The following TTLL8 variants were observed in gnomAD, a reference collection of about 807,000 sequenced individuals.
TTLL8 encodes the protein tubulin tyrosine ligase like 8, also known as protein monoglycylase TTLL8.
Under a neutral mutation model 77.8 loss-of-function variants are expected in TTLL8, and 65 were observed. The ratio of observed to expected loss-of-function variants is 0.84; its 90% CI spans 0.68 to 1.03. The LOEUF (loss-of-function observed/expected upper bound fraction) is 1.03. Among genes scored for constraint, TTLL8 ranks in the 50% least tolerant of loss-of-function variants. The pLI is 0.00. For synonymous variants in TTLL8, 402 were observed against 422.8 expected, an observed-to-expected ratio of 0.95 and a Z score of 0.60; for missense variants, 910 against 1,004.5, an observed-to-expected ratio of 0.91 and a Z score of 1.27.
At chr22:50,037,054 A>G (rs2061341887) in intron 8 of TTLL8, among the ~76,000 whole-genome samples, 1 of 152,176 alleles carries the variant, frequency 6.6e-6, no homozygotes, top group African/African-American at 2.4e-5. Context: ...ATACCTTGGA[A>G]TGGATTATCT....
chr22:50,033,016 G>A (rs958154015), intron 10 of TTLL8, 186 bp downstream of exon 11: 2 of 479,252 alleles, frequency 4.2e-6, no homozygotes, highest in African/African-American at 2.1e-5. Flanking sequence ...AGGCCGGTGG[G>A]CCTGGGCCTG....
upstream of TTLL8, among the ~76,000 whole-genome samples, chr22:50,057,406 TGGGCGGGAG>T (rs2061480292): frequency 2.4e-5 from 1 of 41,172 alleles, no homozygotes; most frequent in Non-Finnish European, 4.4e-5. Context: ...AGGTCTGGGT[TGGGCGGGAG>T]GTCTGGGTTG....
intron 2 of TTLL8, among the ~76,000 whole-genome samples, chr22:50,049,650 G>A (rs564949288): frequency 7.9e-5 from 12 of 152,180 alleles, no homozygotes; most frequent in Non-Finnish European, 1.3e-4. Context: ...GGGAGTGATA[G>A]AGGCTGAGGG....
intron 8 of TTLL8, among the ~76,000 whole-genome samples, chr22:50,036,298 G>T (rs1388394054): frequency 6.6e-6 from 1 of 152,248 alleles, no homozygotes; most frequent in African/African-American, 2.4e-5. Flanking sequence ...ACAGGGACTT[G>T]CGGGGATCCG....
chr22:50,041,813 A>G lies in TTLL8; in HGVS notation c.644-6T>C, dbSNP rs1319612071. The G allele has an allele frequency of 2.2e-6, 3 of 1,358,086 alleles. No homozygotes were observed. Among genetic ancestry groups the G allele is most frequent in the Non-Finnish European group, 2.9e-6 (3 of 1,018,660 alleles). 84.1% of individuals were successfully genotyped at this position (1,358,086 alleles called of 1,614,324 possible). On this transcript the variant is annotated splice_region_variant and splice_polypyrimidine_tract_variant and intron_variant, in intron 6 of 13. Transcript: ENST00000266182. The surrounding 1 kb of genome is among the most constrained non-coding windows in gnomAD (Gnocchi z 4.3). The stretch of plus-strand genomic sequence containing the variant: ...TGCCTCAGCATTTTCAGCATCTGAA[A>G]CCCAGACACAGGCACATGCAGTGGG...
upstream of TTLL8, among the ~76,000 whole-genome samples, chr22:50,054,840 C>T (rs756544723): frequency 9.1e-4 from 138 of 152,176 alleles, 2 homozygotes; most frequent in Non-Finnish European, 2.8e-4. Context: ...GGCAGATCAC[C>T]TGAGGTCAGG....
At position 50,022,974 on chromosome 22, in the gene TTLL8, ACAGAG is replaced by A. The variant is rs1450659186; in HGVS notation, c.2204-6417_2204-6413del. ...GAGGTGAATTTACCAACACGTCAGGACAGAGTGTCCATGTACAAAATCAGGGCATG... is the reference window on the plus strand; with the variant it reads ...GAGGTGAATTTACCAACACGTCAGGATGTCCATGTACAAAATCAGGGCATG... On this transcript the variant is annotated intron_variant, in intron 12 of 13. Transcript: ENST00000266182. Among the ~76,000 whole-genome samples, 471 of 152,346 alleles carry A rather than the reference ACAGAG, an allele frequency of 3.1e-3. 3 individuals are homozygous for A. The highest frequency in any genetic ancestry group is 0.011 in the African/African-American group (455 of 41,554).
chr22:50,056,072 C>T (rs1054113801), upstream of TTLL8, among the ~76,000 whole-genome samples: 5 of 152,146 alleles, frequency 3.3e-5, no homozygotes, highest in Admixed American at 1.3e-4. The surrounding 1 kb of genome is among the most constrained non-coding windows in gnomAD (Gnocchi z 4.1). Flanking sequence ...ACACTCCCAC[C>T]AGCGCCGTCT....
Position 50,044,081 on chromosome 22 carries a change from G to A in TTLL8, c.643+1174C>T, listed in dbSNP as rs1276156432. On this transcript the variant is annotated intron_variant, in intron 6 of 13. Transcript: ENST00000266182. This position sits in a 1 kb window ranked among gnomAD's most constrained non-coding sequence, Gnocchi z 4.2. The stretch of plus-strand genomic sequence containing the variant: ...GGATCAAGCCTGTAATCCCAGCACT[G>A]TGGGAGGCCGAGGTGGGCGGATCAC... Among the ~76,000 whole-genome samples the A allele has an allele frequency of 6.6e-6, 1 of 152,148 alleles. No homozygotes were observed. The highest frequency in any genetic ancestry group is 1.5e-5 in the Non-Finnish European group (1 of 68,012).
intron 4 of TTLL8, among the ~76,000 whole-genome samples, chr22:50,046,604 C>A (rs2061413466): frequency 6.6e-6 from 1 of 152,342 alleles, no homozygotes; most frequent in Admixed American, 6.5e-5. Flanking sequence ...CGGAAGGGAA[C>A]CTTGTCCTGC....
chr22:50,028,454 C>T lies in TTLL8; in HGVS notation c.2203+1976G>A, dbSNP rs529876536. On this transcript the variant is annotated intron_variant, in intron 12 of 13. Coordinates refer to ENST00000266182, the Ensembl canonical transcript of TTLL8. ...GAATGTGCCCTGCGGGCCATAGCCG[C>T]GGGATTGCTGCAGGAGGAACTTCGC... Among the ~76,000 whole-genome samples, 12 of 152,304 alleles carry T rather than the reference C, an allele frequency of 7.9e-5. 1 individual carries two copies. The East Asian group carries it at 1.5e-3, about 20-fold the overall frequency.
chr22:50,029,924 C>T (rs2061274166), intron 12 of TTLL8, among the ~76,000 whole-genome samples: 1 of 151,902 alleles, frequency 6.6e-6, no homozygotes, highest in South Asian at 2.1e-4. Flanking sequence ...CCTGTGGCAG[C>T]CCCTGAAGTC....
At chr22:50,026,221 C>T (rs2061228775) in intron 12 of TTLL8, among the ~76,000 whole-genome samples, 1 of 152,158 alleles carries the variant, frequency 6.6e-6, no homozygotes, top group Admixed American at 6.5e-5. Flanking sequence ...TCACACTGTA[C>T]AGCCGCTGCA....
chr22:50,037,696 A>T (rs1377674751), intron 8 of TTLL8, among the ~76,000 whole-genome samples: 1 of 152,192 alleles, frequency 6.6e-6, no homozygotes, highest in East Asian at 1.9e-4. Context: ...GAACACAGAT[A>T]GGAGGGTCTA....
At position 50,031,753 on chromosome 22, in the gene TTLL8, TC is replaced by T. The variant is rs758757997; in HGVS notation, c.1639del (p.Glu547ArgfsTer43). 7.3e-7 allele frequency: 1 copy of T among 1,362,746 alleles called. No homozygotes were observed. Among genetic ancestry groups the T allele is most frequent in the Admixed American group, 1.9e-5 (1 of 52,402 alleles). 84.4% of individuals were successfully genotyped at this position (1,362,746 alleles called of 1,614,324 possible). A position where few individuals can be genotyped will look rare whatever the true frequency, so the allele number is the denominator to read the frequency against. ...GTCCACGGCCACCTTGATGGTGTCC[TC>T]CTGCACCTGTGCACACAGCTGGGCC... is the stretch of plus-strand genomic sequence containing the variant. On this transcript the variant is annotated frameshift_variant, in exon 11 of 14. Coordinates refer to ENST00000266182, the Ensembl canonical transcript of TTLL8. LOFTEE classifies it high-confidence loss of function.
chr22:50,038,087 AT>A (rs2061348302), intron 8 of TTLL8, among the ~76,000 whole-genome samples: 1 of 152,074 alleles, frequency 6.6e-6, no homozygotes, highest in Non-Finnish European at 1.5e-5. Flanking sequence ...TCTTGAATGT[AT>A]TTTGTTAGAT....
intron 1 of TTLL8, among the ~76,000 whole-genome samples, chr22:50,053,914 CCG>C (rs2061457601): frequency 2.0e-5 from 3 of 151,118 alleles, no homozygotes; most frequent in East Asian, 2.0e-4. Context: ...CATCACCGTG[CCG>C]TGCACCTGCA....
At chr22:50,045,207 GC>G in intron 6 of TTLL8, 47 bp downstream of exon 8, 1 of 1,324,400 alleles carries the variant, frequency 7.6e-7, no homozygotes, top group Non-Finnish European at 9.9e-7. Context: ...CCCTGTGGAG[GC>G]CCCGAGCTCT....
chr22:50,048,332 C>T (rs535548575), intron 3 of TTLL8, among the ~76,000 whole-genome samples: 8 of 152,246 alleles, frequency 5.3e-5, no homozygotes, highest in African/African-American at 1.7e-4. Context: ...ATCCCCAGGG[C>T]GATGGCATAG....
Sources: gnomAD v4.1 joint callset for allele counts (sites outside exome capture counted in the v4.1 genomes callset) on GRCh38, gnomAD v4.1.1 for gene constraint, Gnocchi (gnomAD v3.1) non-coding constraint, MANE v1.5 for transcripts, NCBI Gene and HGNC (gene_info 2026-07-23, HGNC 2026-07-21) for gene names.